The following ACTR3B variants were observed in gnomAD, a reference collection of about 807,000 sequenced individuals.
The protein encoded by ACTR3B is actin-related protein 3B.
ACTR3B carries 8 observed loss-of-function variants against 59.0 expected under a neutral mutation model. That is an observed-to-expected ratio of 0.14 (90% CI 0.08 to 0.24). The LOEUF (loss-of-function observed/expected upper bound fraction) is 0.24. Ranked by LOEUF, ACTR3B falls within the 10% of genes least tolerant of loss-of-function variation. The probability of loss-of-function intolerance (pLI) is 1.00; values close to 1 mark genes in which losing one functional copy is unlikely to be tolerated. For synonymous variants in ACTR3B, 148 were observed against 197.9 expected, an observed-to-expected ratio of 0.75 and a Z score of 2.12; for missense variants, 245 against 552.3, an observed-to-expected ratio of 0.44 and a Z score of 5.58.
Position 152,814,593 on chromosome 7 carries a change from C to T in ACTR3B, c.380C>T (p.Ala127Val), listed in dbSNP as rs1435360145. The T allele has an allele frequency of 1.2e-6, 2 of 1,613,544 alleles. No homozygotes were observed. The highest frequency in any genetic ancestry group is 3.3e-5 in the Admixed American group (2 of 59,980). ...LNTPENREYL[A>V]EIMFESFNVP... The stretch of plus-strand genomic sequence containing the variant: ...ACACCAGAAAACAGAGAGTATCTTG[C>T]AGAAATTATGTTTGAATCATTTAAC... The change falls in exon 5 of 12, where the codon GCA (alanine) becomes GTA (valine). Residue 127 changes from alanine to valine, a missense_variant. Transcript: ENST00000256001.
At chr7:152,765,604 T>G (rs1222708279) in intron 1 of ACTR3B, among the ~76,000 whole-genome samples, 3 of 152,042 alleles carry the variant, frequency 2.0e-5, no homozygotes, top group Non-Finnish European at 4.4e-5. Context: ...AAAAAAATCT[T>G]CACCTTAATA....
chr7:152,814,701 G>A, intron 5 of ACTR3B, 56 bp downstream of exon 5: 1 of 1,432,640 alleles, frequency 7.0e-7, no homozygotes, highest in Non-Finnish European at 9.6e-7. Context: ...AGTAGCGGAA[G>A]AAATGGTATT....
At chr7:152,802,077 A>G (rs1309312216) in intron 4 of ACTR3B, among the ~76,000 whole-genome samples, 2 of 152,124 alleles carry the variant, frequency 1.3e-5, no homozygotes, top group Non-Finnish European at 2.9e-5. Flanking sequence ...GGACATTTCC[A>G]TACAGAGATA....
At chr7:152,763,911 C>T (rs1030528791) in intron 1 of ACTR3B, among the ~76,000 whole-genome samples, 6 of 152,110 alleles carry the variant, frequency 3.9e-5, no homozygotes, top group East Asian at 1.9e-4. Flanking sequence ...TCCATTATGC[C>T]GTCCTCATTG....
chr7:152,826,360 CTT>C (rs546959672), intron 9 of ACTR3B, among the ~76,000 whole-genome samples: 3,086 of 151,452 alleles, frequency 0.02, 48 homozygotes, highest in African/African-American at 0.07. Context: ...TGATGGATAA[CTT>C]TTACTTTCTC....
At chr7:152,828,741 A>T (rs2689571) in intron 9 of ACTR3B, among the ~76,000 whole-genome samples, 43 of 149,100 alleles carry the variant, frequency 2.9e-4, no homozygotes, top group South Asian at 2.3e-3. Flanking sequence ...TAAGACGCTC[A>T]CTCTCCAGGA....
intron 1 of ACTR3B, among the ~76,000 whole-genome samples, chr7:152,773,728 GT>G (rs1286189697): frequency 6.6e-6 from 1 of 152,190 alleles, no homozygotes; most frequent in Non-Finnish European, 1.5e-5. Flanking sequence ...ATTTAAAAAT[GT>G]TTGATTTTAT....
intron 1 of ACTR3B, among the ~76,000 whole-genome samples, chr7:152,764,450 G>C (rs1339543082): frequency 1.3e-5 from 2 of 151,844 alleles, no homozygotes; most frequent in Non-Finnish European, 2.9e-5. Context: ...TGGCTAACAC[G>C]GTGAAACCCC....
intron 3 of ACTR3B, among the ~76,000 whole-genome samples, chr7:152,800,968 GGTTAATTAAAAAGAAACACTAAC>G (rs2098233955): frequency 6.6e-6 from 1 of 152,196 alleles, no homozygotes; most frequent in African/African-American, 2.4e-5. Flanking sequence ...ATTGCAGATT[GGTTAATTAAAAAGAAACACTAAC>G]GTTATTTAAG....
intron 2 of ACTR3B, among the ~76,000 whole-genome samples, chr7:152,793,476 G>A (rs200687458): frequency 0.12 from 10,765 of 89,306 alleles, no homozygotes; most frequent in South Asian, 0.21. Flanking sequence ...TTCAGTTATT[G>A]TGATTTTTAA....
chr7:152,822,052 A>G (rs1796211900), intron 7 of ACTR3B, among the ~76,000 whole-genome samples: 1 of 152,202 alleles, frequency 6.6e-6, no homozygotes, highest in Non-Finnish European at 1.5e-5. Flanking sequence ...GGAGAACTGA[A>G]TGCCTTTGTC....
chr7:152,760,943 T>G (rs1360129341), intron 1 of ACTR3B, among the ~76,000 whole-genome samples: 2 of 152,196 alleles, frequency 1.3e-5, no homozygotes, highest in Admixed American at 1.3e-4. Flanking sequence ...TGCCACAAAA[T>G]GTAACATGGC....
chr7:152,781,087 T>C (rs949944326), intron 1 of ACTR3B, among the ~76,000 whole-genome samples: 8 of 152,040 alleles, frequency 5.3e-5, no homozygotes, highest in Non-Finnish European at 1.0e-4. Context: ...GTGCATGATC[T>C]TAACCAGTAT....
At chr7:152,845,390 C>T (rs1387275244) in intron 9 of ACTR3B, among the ~76,000 whole-genome samples, 1 of 152,298 alleles carries the variant, frequency 6.6e-6, no homozygotes, top group Middle Eastern at 3.4e-3. Flanking sequence ...TGCCAGTATT[C>T]ATGCAGTGTT....
intron 1 of ACTR3B, among the ~76,000 whole-genome samples, chr7:152,766,845 G>A (rs2098112007): frequency 1.3e-5 from 2 of 151,950 alleles, no homozygotes; most frequent in South Asian, 2.1e-4. Flanking sequence ...AGAGTGCGGC[G>A]GCACAGTCTC....
chr7:152,833,405 C>T (rs1797185125), intron 9 of ACTR3B, among the ~76,000 whole-genome samples: 1 of 152,154 alleles, frequency 6.6e-6, no homozygotes, highest in Non-Finnish European at 1.5e-5. Context: ...TAAAAAGCTC[C>T]AGTTCCTAAG....
chr7:152,804,181 T>G (rs2098245206), intron 4 of ACTR3B, among the ~76,000 whole-genome samples: 1 of 152,142 alleles, frequency 6.6e-6, no homozygotes, highest in Non-Finnish European at 1.5e-5. Flanking sequence ...ACTGAGCACC[T>G]GGGAACTCCA....
At chr7:152,821,576 A>G (rs78905075) in intron 7 of ACTR3B, among the ~76,000 whole-genome samples, 8,928 of 125,342 alleles carry the variant, frequency 0.071, no homozygotes, top group African/African-American at 0.16. Context: ...CAACACTGCC[A>G]CGGAGGGGCT....
At chr7:152,780,776 G>A (rs2098150194) in intron 1 of ACTR3B, among the ~76,000 whole-genome samples, 1 of 151,628 alleles carries the variant, frequency 6.6e-6, no homozygotes, top group South Asian at 2.1e-4. Flanking sequence ...TGCACAGTGG[G>A]AAGAATGAAT....
Sources: allele counts gnomAD v4.1 joint callset (sites outside exome capture counted in the v4.1 genomes callset), GRCh38; gene constraint gnomAD v4.1.1; transcripts MANE v1.5; gene names NCBI Gene and HGNC (gene_info 2026-07-23, HGNC 2026-07-21).